The following NLRP1 variants were observed in gnomAD, a reference collection of about 807,000 sequenced individuals.
The protein encoded by NLRP1 is NLR family pyrin domain containing 1, also known as NACHT, LRR and PYD domains-containing protein 1.
Under a neutral mutation model 136.7 loss-of-function variants are expected in NLRP1, and 94 were observed. The ratio of observed to expected loss-of-function variants is 0.69; its 90% CI spans 0.58 to 0.82. NLRP1 has a LOEUF of 0.82. NLRP1 is among the 40% of genes least tolerant of loss of function. NLRP1 has a pLI of 0.00. For synonymous variants in NLRP1, 690 were observed against 725.1 expected, an observed-to-expected ratio of 0.95 and a Z score of 0.78; for missense variants, 1,575 against 1,802.7, an observed-to-expected ratio of 0.87 and a Z score of 2.29.
intron 11 of NLRP1, among the ~76,000 whole-genome samples, chr17:5,531,501 G>A (rs1315207338): frequency 1.3e-5 from 2 of 152,190 alleles, no homozygotes; most frequent in African/African-American, 4.8e-5. Context: ...TTATAGGCAT[G>A]AGCCACTATG....
In NLRP1 at chr17:5,521,508, T is replaced by C; in HGVS notation, c.3783+16A>G. On this transcript the variant is annotated intron_variant, in intron 13 of 16. Coordinates refer to ENST00000572272, the MANE Select transcript of NLRP1 (RefSeq NM_033004.4). ...TCAACCCACCGTGGCCCAGCCTTTC[T>C]GGCTCTTAGTGTCACCTTCCGAATG... 10 of 1,607,992 alleles carry C rather than the reference T, an allele frequency of 6.2e-6. No homozygotes were observed. Among genetic ancestry groups the C allele is most frequent in the Non-Finnish European group, 8.5e-6 (10 of 1,175,872 alleles).
At chr17:5,550,989 C>T (rs138606508) in intron 5 of NLRP1, among the ~76,000 whole-genome samples, 14 of 152,244 alleles carry the variant, frequency 9.2e-5, no homozygotes, top group Non-Finnish European at 1.6e-4. Flanking sequence ...TGCTGTACCA[C>T]ACTAGTATAT....
At position 5,542,042 on chromosome 17, in the gene NLRP1, C is replaced by T. The variant is rs199702561; in HGVS notation, c.2529-15G>A. 13 of 1,609,410 alleles carry T rather than the reference C, an allele frequency of 8.1e-6. No homozygotes were observed. The African/African-American group carries it at 1.1e-4, about 13-fold the overall frequency. On this transcript the variant is annotated splice_polypyrimidine_tract_variant and intron_variant, in intron 5 of 16. Coordinates refer to ENST00000572272, the MANE Select transcript of NLRP1 (RefSeq NM_033004.4). ...AGCCAGCCAACCTGTGGAAGACACACACCCATGGTCTTCAGGTTACTCACC... is the reference window on the plus strand; with the variant it reads ...AGCCAGCCAACCTGTGGAAGACACATACCCATGGTCTTCAGGTTACTCACC...
rs1403130736 is a variant in NLRP1, at chr17:5,559,460, T to C, written c.1236A>G (p.Val412=). ...CCTGCAAGACCCATCCTGGCTCATCTACACCATCGAGGATGAAGAGCAGCC... is the reference window on the plus strand; with the variant it reads ...CCTGCAAGACCCATCCTGGCTCATCCACACCATCGAGGATGAAGAGCAGCC... ...PERLLFILDG[V]DEPGWVLQEP... The change falls in exon 4 of 17, where the codon GTA becomes GTG. Residue 412 remains valine, a synonymous_variant. Transcript: ENST00000572272. 1.2e-6 allele frequency: 2 copies of C among 1,614,218 alleles called. No individual in the cohort carries two copies. Among genetic ancestry groups the C allele is most frequent in the Admixed American group, 3.3e-5 (2 of 60,030 alleles).
chr17:5,505,771 C>G (rs1907301711), intron 15 of NLRP1: 1 of 152,270 alleles, frequency 6.6e-6, no homozygotes, highest in Non-Finnish European at 1.5e-5. Context: ...TAGCTTTCCA[C>G]AGTGGGTTTT....
At chr17:5,540,863 C>T (rs1234499838) in intron 6 of NLRP1, among the ~76,000 whole-genome samples, 4 of 152,074 alleles carry the variant, frequency 2.6e-5, no homozygotes, top group Admixed American at 6.5e-5. Context: ...AAGGAAGGGA[C>T]GTGTGATGTG....
downstream of NLRP1, among the ~76,000 whole-genome samples, chr17:5,509,197 T>C (rs542211627): frequency 6.6e-6 from 1 of 152,328 alleles, no homozygotes; most frequent in Admixed American, 6.5e-5. Context: ...CTGTCTAGCC[T>C]TTCCTCTTCT....
At chr17:5,538,768 GGAGT>G (rs1177731852) in intron 7 of NLRP1, among the ~76,000 whole-genome samples, 1 of 152,186 alleles carries the variant, frequency 6.6e-6, no homozygotes, top group East Asian at 1.9e-4. Flanking sequence ...GCGCTGCCCT[GGAGT>G]GAGGGGAACC....
intron 16 of NLRP1, 110 bp downstream of exon 16, chr17:5,515,361 TTG>T: frequency 1.0e-6 from 1 of 953,294 alleles, no homozygotes; most frequent in Non-Finnish European, 1.7e-6. Context: ...GCCTGACTCT[TTG>T]TGAGGTTTGC....
At position 5,514,541 on chromosome 17, in the gene NLRP1, T is replaced by C. The variant is rs992339655; in HGVS notation, c.*213A>G. ...GGGTCTTGCCAGCTCCAGATGGACA[T>C]TCCCTGAGATGCTGTTAGGCCACCT... On this transcript the variant is annotated 3_prime_UTR_variant, in exon 17 of 17. Transcript: ENST00000572272. The C allele has an allele frequency of 1.4e-6, 2 of 1,418,358 alleles. No individual in the cohort carries two copies. The highest frequency in any genetic ancestry group is 2.6e-5 in the East Asian group (1 of 38,330). The allele number at this position is 1,418,358 out of a possible 1,614,324, so 87.9% of individuals were successfully genotyped here. A position where few individuals can be genotyped will look rare whatever the true frequency, so the allele number is the denominator to read the frequency against.
At chr17:5,568,845 C>T (rs146054473) in intron 3 of NLRP1, among the ~76,000 whole-genome samples, 49 of 152,296 alleles carry the variant, frequency 3.2e-4, no homozygotes, top group African/African-American at 1.0e-3. Context: ...GTTGAATTAT[C>T]TAGGTTACCA....
rs1288540249 is a variant in NLRP1, at chr17:5,529,766, T to G, written c.3520+715A>C. On this transcript the variant is annotated intron_variant, in intron 12 of 16. Coordinates refer to ENST00000572272, the MANE Select transcript of NLRP1 (RefSeq NM_033004.4). ...TGATAGTTTTAAGGTTACTTTTTTTTTTTTGGTCATATTATACACACTTAT... is the reference window on the plus strand; with the variant it reads ...TGATAGTTTTAAGGTTACTTTTTTTGTTTTGGTCATATTATACACACTTAT... The G allele has an allele frequency of 9.2e-6, 2 of 218,068 alleles. 1 individual carries two copies. The allele number at this position is 218,068 out of a possible 1,614,324, so 13.5% of individuals were successfully genotyped here.
downstream of NLRP1, among the ~76,000 whole-genome samples, chr17:5,509,940 T>C (rs558444909): frequency 1.6e-4 from 25 of 152,342 alleles, no homozygotes; most frequent in African/African-American, 4.3e-4. Flanking sequence ...TTTCCACCAT[T>C]GTTGAGAATG....
chr17:5,566,346 A>C (rs1179530700), intron 3 of NLRP1, among the ~76,000 whole-genome samples: 2 of 151,880 alleles, frequency 1.3e-5, no homozygotes, highest in Non-Finnish European at 2.9e-5. Context: ...AGGTTTTGGT[A>C]TATTGTGTTT....
chr17:5,572,515 G>A (rs919594487), intron 3 of NLRP1, among the ~76,000 whole-genome samples: 11 of 152,090 alleles, frequency 7.2e-5, no homozygotes, highest in South Asian at 2.1e-4. Flanking sequence ...TGAGGAATTC[G>A]AGACCAGCCT....
chr17:5,562,863 T>C (rs10445295), intron 3 of NLRP1, among the ~76,000 whole-genome samples: 10,041 of 152,174 alleles, frequency 0.066, 423 homozygotes, highest in African/African-American at 0.11. Flanking sequence ...GCACCCCCAC[T>C]GGACTGTTGA....
chr17:5,556,185 C>A (rs1914057206), intron 4 of NLRP1, among the ~76,000 whole-genome samples: 1 of 151,592 alleles, frequency 6.6e-6, no homozygotes, highest in Non-Finnish European at 1.5e-5. Context: ...CATGGTGGCT[C>A]ACATCTGTGA....
At chr17:5,565,167 T>G (rs1281541034) in intron 3 of NLRP1, among the ~76,000 whole-genome samples, 1 of 152,222 alleles carries the variant, frequency 6.6e-6, no homozygotes, top group East Asian at 1.9e-4. Flanking sequence ...GCCTGTCTTT[T>G]GGATAAAAGC....
intron 12 of NLRP1, among the ~76,000 whole-genome samples, chr17:5,528,695 T>C (rs948743892): frequency 6.6e-6 from 1 of 152,238 alleles, no homozygotes; most frequent in Non-Finnish European, 1.5e-5. Flanking sequence ...TACCTTAATA[T>C]ATGCATACTG....
Sources: gnomAD v4.1 joint callset for allele counts (sites outside exome capture counted in the v4.1 genomes callset) on GRCh38, gnomAD v4.1.1 for gene constraint, MANE v1.5 for transcripts, NCBI Gene and HGNC (gene_info 2026-07-23, HGNC 2026-07-21) for gene names.